Variants in PAX3 observed in about 807,000 individuals in gnomAD.
PAX3 encodes paired box protein Pax-3.
Under a neutral mutation model 51.6 loss-of-function variants are expected in PAX3, and 14 were observed. The ratio of observed to expected loss-of-function variants is 0.27; its 90% CI spans 0.18 to 0.42. PAX3 has a LOEUF of 0.42. Among genes scored for constraint, PAX3 ranks in the 10% least tolerant of loss-of-function variants. The pLI is 1.00. For missense variants in PAX3, 540 were observed against 642.8 expected (o/e 0.84, Z 1.73); for synonymous variants, 280 against 253.4 (o/e 1.11, Z -1.00).
chr2:222,297,814 T>C (rs1035355103), intron 1 of PAX3, among the ~76,000 whole-genome samples: 7 of 152,188 alleles, frequency 4.6e-5, no homozygotes, highest in African/African-American at 1.7e-4. Context: ...CCATTCTTGC[T>C]CTGGGTGTTA....
chr2:222,203,117 T>C (rs2106036479), intron 7 of PAX3, among the ~76,000 whole-genome samples: 1 of 141,040 alleles, frequency 7.1e-6, no homozygotes, highest in South Asian at 2.3e-4. Flanking sequence ...GTTCAGTTTG[T>C]AAATAACCTG....
chr2:222,204,068 T>C (rs931288968), intron 7 of PAX3, among the ~76,000 whole-genome samples: 12 of 152,162 alleles, frequency 7.9e-5, no homozygotes, highest in Admixed American at 1.3e-4. Flanking sequence ...TAAAACATCC[T>C]TTTTTACAAT....
intron 4 of PAX3, among the ~76,000 whole-genome samples, chr2:222,283,477 A>G (rs1477243748): frequency 6.6e-6 from 1 of 152,212 alleles, no homozygotes; most frequent in Admixed American, 6.5e-5. Flanking sequence ...GTGCAAAGTG[A>G]GTGTTTTACC....
chr2:222,248,439 C>T (rs1201729941), intron 4 of PAX3, among the ~76,000 whole-genome samples: 1 of 152,222 alleles, frequency 6.6e-6, no homozygotes, highest in Non-Finnish European at 1.5e-5. Flanking sequence ...TTCACTGAAC[C>T]TCACAGCCAT....
chr2:222,215,336 T>C (rs1691909683), intron 7 of PAX3, among the ~76,000 whole-genome samples: 1 of 152,168 alleles, frequency 6.6e-6, no homozygotes, highest in Admixed American at 6.6e-5. Context: ...TTGCAATGGT[T>C]GATGAACCCT....
At chr2:222,249,248 G>C (rs1383904706) in intron 4 of PAX3, among the ~76,000 whole-genome samples, 1 of 152,130 alleles carries the variant, frequency 6.6e-6, no homozygotes, top group Non-Finnish European at 1.5e-5. Context: ...AAAAACATAA[G>C]AGCATGAAGT....
At position 222,265,634 on chromosome 2, in the gene PAX3, C is replaced by A. The variant is rs573092529; in HGVS notation, c.586+28533G>T. On this transcript the variant is annotated intron_variant, in intron 4 of 8. Coordinates refer to ENST00000392070, the MANE Select transcript of PAX3 (RefSeq NM_181458.4). Reference sequence around the variant, plus strand: ...CGCCACTGGGCGACAGAGTGAGACTCCATCAAAAAAAAGAAGGAAGGAAGG... The same window carrying A: ...CGCCACTGGGCGACAGAGTGAGACTACATCAAAAAAAAGAAGGAAGGAAGG... Among the ~76,000 whole-genome samples the A allele has an allele frequency of 9.2e-4, 43 of 46,832 alleles. No individual in the cohort carries two copies. The East Asian group carries it at 0.03, about 33-fold the overall frequency. 30.7% of individuals were successfully genotyped at this position (46,832 alleles called of 152,430 possible). A position where few individuals can be genotyped will look rare whatever the true frequency, so the allele number is the denominator to read the frequency against.
intron 4 of PAX3, among the ~76,000 whole-genome samples, chr2:222,247,637 C>T (rs908647116): frequency 3.9e-5 from 6 of 151,972 alleles, no homozygotes; most frequent in African/African-American, 1.5e-4. Context: ...TTCATTTTAT[C>T]ACATGATCAA....
At position 222,293,945 on chromosome 2, in the gene PAX3, AG is replaced by A. The variant is rs1695145851; in HGVS notation, c.586+221del. On this transcript the variant is annotated intron_variant, in intron 4 of 8. Transcript: ENST00000392070. Reference sequence around the variant, plus strand: ...GGGGCTGAAAGTGGTTAAGAAAGAAAGATTTACAAAACAGAAAAACTAAGCA... The same window carrying A: ...GGGGCTGAAAGTGGTTAAGAAAGAAAATTTACAAAACAGAAAAACTAAGCA... The A allele has an allele frequency of 7.2e-6, 11 of 1,530,180 alleles. No individual in the cohort carries two copies. The South Asian group carries it at 1.3e-4, about 17-fold the overall frequency. The allele number at this position is 1,530,180 out of a possible 1,614,324, so 94.8% of individuals were successfully genotyped here.
chr2:222,252,642 G>A (rs1429841051), intron 4 of PAX3, among the ~76,000 whole-genome samples: 2 of 152,114 alleles, frequency 1.3e-5, no homozygotes, highest in African/African-American at 4.8e-5. Context: ...TGTGGATGGA[G>A]GGATGCCTTG....
chr2:222,276,211 A>G (rs1694415868), intron 4 of PAX3, among the ~76,000 whole-genome samples: 1 of 152,196 alleles, frequency 6.6e-6, no homozygotes, highest in African/African-American at 2.4e-5. Flanking sequence ...TCTCAAAACA[A>G]TACCCAGAGG....
chr2:222,293,798 T>C, intron 4 of PAX3: 2 of 1,614,128 alleles, frequency 1.2e-6, no homozygotes, highest in Non-Finnish European at 1.7e-6. Context: ...AAGATTCAAG[T>C]ACCCTCTATC....
rs867224594 is a variant in PAX3, at chr2:222,240,548, A to G, written c.587-8265T>C. ...ATTCATTCATGCAGCCCTGCTAGTG[A>G]TTATTTTTAGTAGCTGTATTCACTG... On this transcript the variant is annotated intron_variant, in intron 4 of 8. Coordinates refer to ENST00000392070, the MANE Select transcript of PAX3 (RefSeq NM_181458.4). 1.2e-4 allele frequency among the ~76,000 whole-genome samples: 19 copies of G among 152,296 alleles called. No homozygotes were observed. The Middle Eastern group carries it at 0.01, about 82-fold the overall frequency.
intron 4 of PAX3, among the ~76,000 whole-genome samples, chr2:222,285,417 A>G (rs1366451499): frequency 6.6e-6 from 1 of 152,240 alleles, no homozygotes; most frequent in Non-Finnish European, 1.5e-5. Context: ...TGAACTGGGT[A>G]AGTTATGCCG....
In PAX3 at chr2:222,222,088, A is replaced by G. The variant is rs1692216844; in HGVS notation, c.793-701T>C. On this transcript the variant is annotated intron_variant, in intron 5 of 8. Coordinates refer to ENST00000392070, the MANE Select transcript of PAX3 (RefSeq NM_181458.4). ...CGCTGTGTCAAGCACTATGCTAACC[A>G]GGTACATTCAGAAAAGCCTGATACA... Among the ~76,000 whole-genome samples the G allele has an allele frequency of 2.0e-5, 3 of 152,178 alleles. No homozygotes were observed. The South Asian group carries it at 6.2e-4, about 32-fold the overall frequency.
rs763098498 is a variant in PAX3 at position 222,221,233 on chromosome 2, G to C, written c.947C>G (p.Ser316Cys). 1.9e-6 allele frequency: 3 copies of C among 1,613,980 alleles called. No homozygotes were observed. The South Asian group carries it at 3.3e-5, about 18-fold the overall frequency. The change falls in exon 6 of 9, where the codon TCT becomes TGT. Residue 316 changes from serine (S) to cysteine (C), a missense_variant. Ser to Cys is a moderately radical substitution (Grantham distance 112, BLOSUM62 -1). Transcript: ENST00000392070. ...QLSETSYQPT[S>C]IPQAVSDPSS... ...CTCTTCCTCGGTACCTTGTGGAATA[G>C]ATGTGGGCTGGTAAGAGGTCTCCGA...
At chr2:222,257,924 A>T (rs1346120536) in intron 4 of PAX3, among the ~76,000 whole-genome samples, 2 of 152,200 alleles carry the variant, frequency 1.3e-5, no homozygotes, top group African/African-American at 2.4e-5. Context: ...GGCACAGAGG[A>T]GCTTTGTAAT....
chr2:222,209,890 CA>C (rs1487815175), intron 7 of PAX3, among the ~76,000 whole-genome samples: 1 of 151,624 alleles, frequency 6.6e-6, no homozygotes, highest in Non-Finnish European at 1.5e-5. Flanking sequence ...CTCTCTGTCT[CA>C]AAAAAAATTA....
chr2:222,293,604 T>C (rs1695127194), intron 4 of PAX3: 1 of 1,609,938 alleles, frequency 6.2e-7, no homozygotes, highest in Non-Finnish European at 8.5e-7. Flanking sequence ...CCCCTCACAT[T>C]TGAAAATCAA....
Sources: allele counts gnomAD v4.1 joint callset (sites outside exome capture counted in the v4.1 genomes callset), GRCh38; gene constraint gnomAD v4.1.1; transcripts MANE v1.5; gene names NCBI Gene and HGNC (gene_info 2026-07-23, HGNC 2026-07-21).